Variants in ANKRD31 observed in about 807,000 individuals in gnomAD.
ANKRD31 encodes the protein ankyrin repeat domain 31.
In ANKRD31, 147 loss-of-function variants were observed where a neutral mutation model predicts 186.0. That is an observed-to-expected ratio of 0.79 (90% CI 0.69 to 0.91). ANKRD31 has a LOEUF of 0.91. Ranked by LOEUF, ANKRD31 falls within the 40% of genes least tolerant of loss-of-function variation. The pLI is 0.00. For synonymous variants in ANKRD31, 673 were observed against 736.4 expected, an observed-to-expected ratio of 0.91 and a Z score of 1.39; for missense variants, 1,986 against 2,148.8, an observed-to-expected ratio of 0.92 and a Z score of 1.50.
At chr5:75,130,317 T>A (rs576670434) in intron 17 of ANKRD31, among the ~76,000 whole-genome samples, 1 of 152,286 alleles carries the variant, frequency 6.6e-6, no homozygotes, top group South Asian at 2.1e-4. Flanking sequence ...GCAGCAAAAT[T>A]TATTGCAAAG....
At chr5:75,193,282 G>A in intron 8 of ANKRD31, 29 bp downstream of exon 8, 1 of 1,528,436 alleles carries the variant, frequency 6.5e-7, no homozygotes, top group Non-Finnish European at 8.8e-7. Flanking sequence ...TAGCATACCT[G>A]GAGATAAAGA....
intron 6 of ANKRD31, among the ~76,000 whole-genome samples, chr5:75,198,713 G>A (rs1274887386): frequency 6.6e-6 from 1 of 152,132 alleles, no homozygotes; most frequent in Non-Finnish European, 1.5e-5. Context: ...AGAAGAACAG[G>A]TACTTGAGCC....
intron 15 of ANKRD31, 120 bp from the exon 16 acceptor site, chr5:75,139,103 A>C: frequency 9.3e-7 from 1 of 1,073,440 alleles, no homozygotes; most frequent in Non-Finnish European, 1.3e-6. Flanking sequence ...TATATCAATT[A>C]ATGTTATCAT....
intron 22 of ANKRD31, among the ~76,000 whole-genome samples, chr5:75,092,163 C>G (rs1225137087): frequency 6.6e-6 from 1 of 152,170 alleles, no homozygotes; most frequent in East Asian, 1.9e-4. Flanking sequence ...TCATTTGCAA[C>G]AGAGCATGAA....
chr5:75,099,774 G>T (rs1041757325), intron 22 of ANKRD31, among the ~76,000 whole-genome samples: 1 of 152,150 alleles, frequency 6.6e-6, no homozygotes, highest in Admixed American at 6.5e-5. Flanking sequence ...GATTGGTGGT[G>T]ATATAACCTT....
At chr5:75,191,080 T>TA (rs1479273976) in intron 9 of ANKRD31, among the ~76,000 whole-genome samples, 3 of 152,124 alleles carry the variant, frequency 2.0e-5, no homozygotes, top group African/African-American at 7.2e-5. Context: ...CAAGAGGATT[T>TA]AAAAAGACTT....
rs1039794679 is a variant in ANKRD31 at position 75,144,073 on chromosome 5, T to C, written c.3523A>G (p.Asn1175Asp). ...TGAACTGTTTTGTGTTCTTGGCTAT[T>C]AGTAGGCATGTGAATTTCTGACTCC... is the stretch of plus-strand genomic sequence containing the variant. ...KTESEIHMPT[N>D]SQEHKTVQNF... The change falls in exon 15 of 26, where the codon AAT (asparagine) becomes GAT (aspartate). Residue 1175 changes from asparagine (N) to aspartate (D), a missense_variant. Transcript: ENST00000506364. 5.3e-5 allele frequency: 21 copies of C among 397,482 alleles called. No individual in the cohort carries two copies. The highest frequency in any genetic ancestry group is 6.3e-4 in the Middle Eastern group (1 of 1,600). 24.6% of individuals were successfully genotyped at this position (397,482 alleles called of 1,614,324 possible). A position where few individuals can be genotyped will look rare whatever the true frequency, so the allele number is the denominator to read the frequency against.
intron 10 of ANKRD31, among the ~76,000 whole-genome samples, chr5:75,171,803 T>C (rs1228352566): frequency 6.6e-6 from 1 of 150,574 alleles, no homozygotes; most frequent in African/African-American, 2.4e-5. Flanking sequence ...CAAATAAAAC[T>C]ATAGGCCCAG....
chr5:75,136,471 C>G (rs1750585934), intron 17 of ANKRD31, among the ~76,000 whole-genome samples: 1 of 152,214 alleles, frequency 6.6e-6, no homozygotes, highest in Non-Finnish European at 1.5e-5. Flanking sequence ...GAGTTACCAT[C>G]TCACACCAGT....
In ANKRD31 at chr5:75,147,189, T is replaced by C. The variant is rs764541920; in HGVS notation, c.2222A>G (p.Asp741Gly). 2.0e-6 allele frequency: 3 copies of C among 1,536,230 alleles called. No homozygotes were observed. Among genetic ancestry groups the C allele is most frequent in the Admixed American group, 3.9e-5 (2 of 50,898 alleles). Residue 741 changes from aspartate to glycine, a missense_variant, in exon 14 of 26, where the codon GAT becomes GGT. Asp to Gly is a moderately conservative substitution (Grantham distance 94). Transcript: ENST00000506364. ...CTTTCTTGGATTACAGTCTACATCA[T>C]CTACTTGGGTCCTTTTATGTTGTGT... ...RKTQHKRTQVDDVDCNPRKIL... is the reference protein window; with the variant it reads ...RKTQHKRTQVGDVDCNPRKIL...
intron 23 of ANKRD31, among the ~76,000 whole-genome samples, chr5:75,084,604 C>A (rs1745340781): frequency 6.6e-6 from 1 of 152,098 alleles, no homozygotes; most frequent in South Asian, 2.1e-4. Context: ...TGCTTTCATG[C>A]TATAACATAA....
intron 11 of ANKRD31, among the ~76,000 whole-genome samples, chr5:75,167,481 A>G (rs999564868): frequency 3.9e-5 from 6 of 152,174 alleles, no homozygotes; most frequent in Non-Finnish European, 8.8e-5. Context: ...TTTAATTTTC[A>G]TGACTTTTCT....
chr5:75,105,675 T>G (rs1051979370), intron 21 of ANKRD31, among the ~76,000 whole-genome samples: 6 of 152,178 alleles, frequency 3.9e-5, no homozygotes, highest in Non-Finnish European at 8.8e-5. Context: ...AAAGTTCTAT[T>G]CAGGTTCTCT....
chr5:75,179,633 C>A (rs888815905), intron 10 of ANKRD31, among the ~76,000 whole-genome samples: 5 of 151,984 alleles, frequency 3.3e-5, no homozygotes, highest in Non-Finnish European at 7.4e-5. Flanking sequence ...AAGACAAAAA[C>A]CACGATTATC....
intron 17 of ANKRD31, among the ~76,000 whole-genome samples, chr5:75,131,167 A>G (rs1001866727): frequency 6.6e-6 from 1 of 151,394 alleles, no homozygotes; most frequent in Non-Finnish European, 1.5e-5. Context: ...CTCCCTCCAC[A>G]CCTCCCCATG....
At chr5:75,096,771 G>A (rs1038971272) in intron 22 of ANKRD31, among the ~76,000 whole-genome samples, 5 of 151,834 alleles carry the variant, frequency 3.3e-5, no homozygotes, top group East Asian at 3.9e-4. Context: ...CCATTAACTC[G>A]TCATTTACAT....
chr5:75,110,491 T>C (rs9763362), intron 20 of ANKRD31, among the ~76,000 whole-genome samples: 76,867 of 151,584 alleles, frequency 0.51, 22,493 homozygotes, highest in African/African-American at 0.82. Flanking sequence ...GTGGGCCGAT[T>C]ACAAGGTCAA....
intron 4 of ANKRD31, among the ~76,000 whole-genome samples, chr5:75,206,972 G>A (rs10051572): frequency 0.51 from 77,249 of 151,982 alleles, 22,682 homozygotes; most frequent in African/African-American, 0.82. Context: ...ACCGAAGGGA[G>A]GAAGTTAAAA....
intron 25 of ANKRD31, among the ~76,000 whole-genome samples, chr5:75,077,594 A>G (rs1200567253): frequency 2.0e-5 from 3 of 151,864 alleles, no homozygotes; most frequent in African/African-American, 7.3e-5. Context: ...TTTTTTGTGT[A>G]TTTGGTTGTA....
Sources: gnomAD v4.1 joint callset for allele counts (sites outside exome capture counted in the v4.1 genomes callset) on GRCh38, gnomAD v4.1.1 for gene constraint, MANE v1.5 for transcripts, NCBI Gene and HGNC (gene_info 2026-07-23, HGNC 2026-07-21) for gene names.